NRXN1: variants seen among roughly 807,000 people sequenced by gnomAD.
The protein encoded by NRXN1 is neurexin 1, also known as neurexin-1.
In NRXN1, 39 loss-of-function variants were observed where a neutral mutation model predicts 150.9. The ratio of observed to expected loss-of-function variants is 0.26; its 90% confidence interval spans 0.20 to 0.34. The LOEUF is 0.34. Among genes scored for constraint, NRXN1 ranks in the 10% least tolerant of loss-of-function variants. NRXN1 has a pLI of 1.00. For synonymous variants in NRXN1, 924 were observed against 757.0 expected (o/e 1.22, Z -3.62); for missense variants, 1,815 against 1,949.9 (o/e 0.93, Z 1.30).
At chr2:50,772,143 A>G (rs945525619) in intron 5 of NRXN1, among the ~76,000 whole-genome samples, 1 of 151,930 alleles carries the variant, frequency 6.6e-6, no homozygotes, top group South Asian at 2.1e-4. Flanking sequence ...TGAAACAATC[A>G]ATCAGAACTC....
intron 5 of NRXN1, among the ~76,000 whole-genome samples, chr2:50,780,431 T>C (rs1024489981): frequency 7.9e-5 from 12 of 152,188 alleles, no homozygotes; most frequent in Non-Finnish European, 2.9e-5. Flanking sequence ...ATGTTGCCCA[T>C]CAGTTTATTT....
chr2:50,489,722 A>G (rs1212682824), intron 15 of NRXN1, among the ~76,000 whole-genome samples: 3 of 152,186 alleles, frequency 2.0e-5, no homozygotes, highest in African/African-American at 7.2e-5. Context: ...AATGTCAGAA[A>G]AATTCAGAAA....
At chr2:50,821,338 C>G (rs1385309756) in intron 5 of NRXN1, among the ~76,000 whole-genome samples, 1 of 152,046 alleles carries the variant, frequency 6.6e-6, no homozygotes, top group African/African-American at 2.4e-5. Flanking sequence ...ATATGTGGCC[C>G]AAGACAATTC....
chr2:50,061,304 G>C (rs1000644098), intron 19 of NRXN1, among the ~76,000 whole-genome samples: 2 of 152,100 alleles, frequency 1.3e-5, no homozygotes, highest in Non-Finnish European at 2.9e-5. Flanking sequence ...AAAGGTCAAA[G>C]GCAAAAATAA....
intron 8 of NRXN1, among the ~76,000 whole-genome samples, chr2:50,604,620 C>A (rs1389429117): frequency 6.6e-6 from 1 of 152,086 alleles, no homozygotes; most frequent in Non-Finnish European, 1.5e-5. Flanking sequence ...TTTTTGTTTA[C>A]TTGGTGACAT....
Position 50,623,732 on chromosome 2 carries a change from T to G in NRXN1, c.833-117A>C, listed in dbSNP as rs889296767. 4.3e-6 allele frequency: 3 copies of G among 697,972 alleles called. No individual in the cohort carries two copies. In the African/African-American group the frequency reaches 5.4e-5, roughly 13 times the overall value. The allele number at this position is 697,972 out of a possible 1,614,324, so 43.2% of individuals were successfully genotyped here. On this transcript the variant is annotated intron_variant, in intron 5 of 22. Transcript: ENST00000401669. ...AATTAACCTGCTTAATTAGATTTCA[T>G]GACATGAACTCTGTCTCAGTCAAAC...
intron 18 of NRXN1, among the ~76,000 whole-genome samples, chr2:50,178,221 C>T (rs373883505): frequency 2.6e-5 from 4 of 152,024 alleles, no homozygotes; most frequent in African/African-American, 9.6e-5. Context: ...CCAGCTAGCC[C>T]GAATATTTTT....
chr2:50,466,173 T>C (rs909810070), intron 16 of NRXN1, among the ~76,000 whole-genome samples: 2 of 151,694 alleles, frequency 1.3e-5, no homozygotes, highest in Admixed American at 6.6e-5. Context: ...GTAAAAAGAA[T>C]GCTAGTCTAT....
At chr2:50,676,228 G>A (rs1689520802) in intron 5 of NRXN1, among the ~76,000 whole-genome samples, 1 of 152,078 alleles carries the variant, frequency 6.6e-6, no homozygotes, top group African/African-American at 2.4e-5. Context: ...TGTCATGATT[G>A]TAAGCTTCCT....
chr2:50,993,594 C>T (rs1698862091), intron 2 of NRXN1, among the ~76,000 whole-genome samples: 1 of 151,848 alleles, frequency 6.6e-6, no homozygotes, highest in Non-Finnish European at 1.5e-5. Context: ...TTTGTCAGCC[C>T]CACTTTAAAA....
intron 12 of NRXN1, among the ~76,000 whole-genome samples, chr2:50,513,467 A>T (rs1190580998): frequency 6.6e-6 from 1 of 152,174 alleles, no homozygotes; most frequent in Non-Finnish European, 1.5e-5. Context: ...GTGTTTGGTT[A>T]TTTAATTCCT....
chr2:50,898,133 T>C (rs1052805505), intron 5 of NRXN1, among the ~76,000 whole-genome samples: 6 of 152,152 alleles, frequency 3.9e-5, no homozygotes, highest in African/African-American at 1.4e-4. Flanking sequence ...TAAGTTGTCA[T>C]TAGTTGTGGC....
Position 50,347,296 on chromosome 2 carries a change from G to A in NRXN1, c.3365-110326C>T, listed in dbSNP as rs1050715745. 1 of 1,281,440 alleles carries A rather than the reference G, an allele frequency of 7.8e-7. No homozygotes were observed. The highest frequency in any genetic ancestry group is 1.5e-5 in the African/African-American group (1 of 64,996). The allele number at this position is 1,281,440 out of a possible 1,614,324, so 79.4% of individuals were successfully genotyped here. A position where few individuals can be genotyped will look rare whatever the true frequency, so the allele number is the denominator to read the frequency against. On this transcript the variant is annotated intron_variant, in intron 17 of 22. Coordinates refer to ENST00000401669, the MANE Select transcript of NRXN1 (RefSeq NM_001330078.2). The surrounding 1 kb of genome is among the most constrained non-coding windows in gnomAD (Gnocchi z 4.9). ...TACTCCCAAAGAGTTTCGGGCGAGA[G>A]TGCGTGCCGGCGGGTGGGGGGCCGA...
At chr2:50,139,505 A>C (rs1044208981) in intron 18 of NRXN1, among the ~76,000 whole-genome samples, 3 of 152,164 alleles carry the variant, frequency 2.0e-5, no homozygotes, top group African/African-American at 7.2e-5. Context: ...TTAGGGCAAA[A>C]GTATGACGGA....
intron 5 of NRXN1, among the ~76,000 whole-genome samples, chr2:50,781,835 T>C (rs1704393201): frequency 6.6e-6 from 1 of 152,210 alleles, no homozygotes; most frequent in East Asian, 1.9e-4. Flanking sequence ...CTCTGTGTGC[T>C]GGTTGAGTTA....
At chr2:50,096,934 A>G (rs1457669020) in intron 18 of NRXN1, among the ~76,000 whole-genome samples, 2 of 152,202 alleles carry the variant, frequency 1.3e-5, no homozygotes, top group African/African-American at 4.8e-5. Flanking sequence ...TTAATGGTGT[A>G]ATCAATATCT....
intron 5 of NRXN1, among the ~76,000 whole-genome samples, chr2:50,689,083 ATT>A (rs1025581999): frequency 6.6e-6 from 1 of 152,156 alleles, no homozygotes; most frequent in Non-Finnish European, 1.5e-5. Flanking sequence ...AATTTATTCT[ATT>A]TTAGGATATG....
intron 8 of NRXN1, among the ~76,000 whole-genome samples, chr2:50,590,232 T>C (rs1050484068): frequency 3.3e-5 from 5 of 152,212 alleles, no homozygotes; most frequent in Admixed American, 3.3e-4. Context: ...AGAGATTTTA[T>C]CAAGATTGTA....
At chr2:50,846,908 C>A (rs1272625555) in intron 5 of NRXN1, among the ~76,000 whole-genome samples, 1 of 152,074 alleles carries the variant, frequency 6.6e-6, no homozygotes, top group Non-Finnish European at 1.5e-5. Flanking sequence ...AAGAAACAGG[C>A]AATCCTACAA....
Sources: gnomAD v4.1 joint callset for allele counts (sites outside exome capture counted in the v4.1 genomes callset) on GRCh38, gnomAD v4.1.1 for gene constraint, Gnocchi (gnomAD v3.1) non-coding constraint, MANE v1.5 for transcripts, NCBI Gene and HGNC (gene_info 2026-07-23, HGNC 2026-07-21) for gene names.